The following CALN1 variants were observed in gnomAD, a reference collection of about 807,000 sequenced individuals.
CALN1 encodes the protein calneuron 1.
A neutral mutation model predicts 30.6 loss-of-function variants in CALN1; 17 were observed. The observed-to-expected ratio is 0.56, with a 90% confidence interval of 0.38 to 0.83. CALN1 has a LOEUF of 0.83. CALN1 is among the 40% of genes least tolerant of loss of function. The probability of loss-of-function intolerance (pLI) is 0.00; values close to 1 mark genes in which losing one functional copy is unlikely to be tolerated. For synonymous variants in CALN1, 156 were observed against 131.4 expected (o/e 1.19, Z -1.28); for missense variants, 291 against 354.9 (o/e 0.82, Z 1.45).
At chr7:72,042,918 A>C (rs1802220501) in intron 4 of CALN1, among the ~76,000 whole-genome samples, 1 of 152,168 alleles carries the variant, frequency 6.6e-6, no homozygotes, top group South Asian at 2.1e-4. Context: ...TGCCATCCTA[A>C]GGATATCTTG....
At chr7:72,347,050 A>G (rs1478439138) in intron 2 of CALN1, among the ~76,000 whole-genome samples, 31 of 152,084 alleles carry the variant, frequency 2.0e-4, no homozygotes, top group Admixed American at 2.0e-3. Context: ...ATGTAACTGA[A>G]GTTTGAAAAG....
Position 72,296,445 on chromosome 7 carries a change from T to C in CALN1, c.120-17635A>G, listed in dbSNP as rs1476605737. On this transcript the variant is annotated intron_variant, in intron 2 of 6. Coordinates refer to ENST00000395275, the MANE Select transcript of CALN1 (RefSeq NM_031468.4). ...ATAGTTTCAGAAGGAATGGTACCAG[T>C]TCCTCCTTGTACCTCTGTAGAATTC... Among the ~76,000 whole-genome samples, 14 of 151,086 alleles carry C rather than the reference T, an allele frequency of 9.3e-5. No individual in the cohort carries two copies. In the East Asian group the frequency reaches 1.6e-3, roughly 17 times the overall value.
At chr7:71,908,324 TA>T (rs199817974) in intron 5 of CALN1, among the ~76,000 whole-genome samples, 8,381 of 152,166 alleles carry the variant, frequency 0.055, 305 homozygotes, top group Non-Finnish European at 0.087. Flanking sequence ...TCATGGGCTT[TA>T]AAAAAAATTT....
chr7:72,343,621 A>C (rs1423271038), intron 2 of CALN1, among the ~76,000 whole-genome samples: 5 of 152,154 alleles, frequency 3.3e-5, no homozygotes, highest in Admixed American at 3.3e-4. Context: ...GGTGATTTCC[A>C]AGTGGAAAAA....
chr7:72,483,935 A>AT, the CALN1 span, among the ~76,000 whole-genome samples: 11 of 151,286 alleles, frequency 7.3e-5, no homozygotes, highest in Non-Finnish European at 8.9e-5. Flanking sequence ...TTGGTTTAAA[A>AT]TTTTTTTTGA....
chr7:72,373,065 G>C lies in CALN1; in HGVS notation c.119+30186C>G, dbSNP rs73364920. On this transcript the variant is annotated intron_variant, in intron 2 of 6. Coordinates refer to ENST00000395275, the MANE Select transcript of CALN1 (RefSeq NM_031468.4). ...TCAGCAAAGAAGTAGAAGATACGAAGAATGACCATGTGGAAATTTTAGAAC... is the reference window on the plus strand; with the variant it reads ...TCAGCAAAGAAGTAGAAGATACGAACAATGACCATGTGGAAATTTTAGAAC... Among the ~76,000 whole-genome samples, 526 of 152,238 alleles carry C rather than the reference G, an allele frequency of 3.5e-3. 3 individuals are homozygous for C. The highest frequency in any genetic ancestry group is 0.012 in the African/African-American group (498 of 41,546).
At chr7:71,811,369 G>A (rs1282464056) in intron 5 of CALN1, among the ~76,000 whole-genome samples, 1 of 152,040 alleles carries the variant, frequency 6.6e-6, no homozygotes, top group Non-Finnish European at 1.5e-5. Flanking sequence ...CACTGCGCCT[G>A]TCTAACATTT....
intron 5 of CALN1, among the ~76,000 whole-genome samples, chr7:71,934,364 G>A (rs1009083795): frequency 8.5e-5 from 13 of 152,308 alleles, no homozygotes; most frequent in African/African-American, 3.1e-4. Flanking sequence ...ATTTTGCATT[G>A]TATAAGGAAT....
intron 3 of CALN1, among the ~76,000 whole-genome samples, chr7:72,174,418 G>T (rs921164904): frequency 1.3e-5 from 2 of 152,068 alleles, no homozygotes; most frequent in African/African-American, 4.8e-5. Context: ...TATGTCCACA[G>T]GAAGATTTGT....
At chr7:72,206,554 T>A (rs1791904218) in intron 3 of CALN1, among the ~76,000 whole-genome samples, 1 of 152,200 alleles carries the variant, frequency 6.6e-6, no homozygotes, top group East Asian at 1.9e-4. Flanking sequence ...CTTATCTTTT[T>A]TTGTATTTTG....
At chr7:71,914,514 G>C (rs557727650) in intron 5 of CALN1, among the ~76,000 whole-genome samples, 1 of 152,146 alleles carries the variant, frequency 6.6e-6, no homozygotes, top group East Asian at 1.9e-4. Flanking sequence ...GAACATATTC[G>C]TGCATGTGTC....
chr7:72,452,830 G>T, the CALN1 span, among the ~76,000 whole-genome samples: 6 of 152,162 alleles, frequency 3.9e-5, no homozygotes, highest in Non-Finnish European at 7.3e-5. Context: ...CTGGTTTTGT[G>T]CTGGTTACTT....
At position 72,160,772 on chromosome 7, in the gene CALN1, G is replaced by A. The variant is rs539275144; in HGVS notation, c.245-54478C>T. ...TCAGCTCCCTCCAGCCTGATATTCT[G>A]AGGACTGGGAGGGGCACGCCGCTGA... On this transcript the variant is annotated intron_variant, in intron 3 of 6. Transcript: ENST00000395275. Among the ~76,000 whole-genome samples the A allele has an allele frequency of 2.0e-5, 3 of 152,272 alleles. 1 individual carries two copies. Among genetic ancestry groups the A allele is most frequent in the Admixed American group, 2.0e-4 (3 of 15,282 alleles).
At chr7:72,227,223 A>C (rs1793746914) in intron 3 of CALN1, among the ~76,000 whole-genome samples, 1 of 122,274 alleles carries the variant, frequency 8.2e-6, no homozygotes, top group African/African-American at 3.4e-5. Flanking sequence ...CTCTGAATCT[A>C]AAATTAAAAG....
chr7:71,987,290 T>A (rs1223402479), intron 5 of CALN1, among the ~76,000 whole-genome samples: 1 of 152,232 alleles, frequency 6.6e-6, no homozygotes, highest in Non-Finnish European at 1.5e-5. Flanking sequence ...GCTTATTCAG[T>A]GTCTGTGAAC....
intron 3 of CALN1, among the ~76,000 whole-genome samples, chr7:72,134,661 A>G (rs927501420): frequency 3.3e-5 from 5 of 152,220 alleles, no homozygotes; most frequent in Admixed American, 2.0e-4. Flanking sequence ...TTACTGGTAG[A>G]AGGTCTTGTC....
chr7:71,794,480 ACTT>A (rs1486062090), intron 6 of CALN1, among the ~76,000 whole-genome samples: 4 of 152,284 alleles, frequency 2.6e-5, no homozygotes, highest in South Asian at 4.1e-4. Flanking sequence ...CCAAGATCTG[ACTT>A]CTTCTCCTAA....
chr7:72,224,791 A>C (rs1793550425), intron 3 of CALN1, among the ~76,000 whole-genome samples: 1 of 151,898 alleles, frequency 6.6e-6, no homozygotes. Context: ...AAAATTAAAA[A>C]AAAAGAGCAG....
intron 4 of CALN1, among the ~76,000 whole-genome samples, chr7:72,105,528 C>A (rs535250071): frequency 8.6e-5 from 13 of 151,688 alleles, no homozygotes; most frequent in Non-Finnish European, 1.8e-4. Flanking sequence ...TGGACCAAGA[C>A]CCTGGTCTTG....
Sources: gnomAD v4.1 joint callset for allele counts (sites outside exome capture counted in the v4.1 genomes callset) on GRCh38, gnomAD v4.1.1 for gene constraint, MANE v1.5 for transcripts, NCBI Gene and HGNC (gene_info 2026-07-23, HGNC 2026-07-21) for gene names.